The following CNOT2 variants were observed in gnomAD, a reference collection of about 807,000 sequenced individuals.
CNOT2 encodes CC chemokine receptor 4-negative regulator of transcription 2.
CNOT2 carries 7 observed loss-of-function variants against 72.1 expected under a neutral mutation model. The observed-to-expected ratio is 0.10, with a 90% CI of 0.06 to 0.18. The LOEUF is 0.18. Among genes scored for constraint, CNOT2 ranks in the 10% least tolerant of loss-of-function variants. CNOT2 has a pLI of 1.00. For synonymous variants in CNOT2, 196 were observed against 225.6 expected (o/e 0.87, Z 1.17); for missense variants, 345 against 660.3 (o/e 0.52, Z 5.23).
chr12:70,335,672 T>C, intron 8 of CNOT2, 109 bp downstream of exon 8: 1 of 744,350 alleles, frequency 1.3e-6, no homozygotes, highest in Non-Finnish European at 2.2e-6. Context: ...ACATGTATGT[T>C]TGCATTTTCT....
intron 2 of CNOT2, among the ~76,000 whole-genome samples, chr12:70,304,239 T>C (rs1344285193): frequency 1.3e-5 from 2 of 152,214 alleles, no homozygotes; most frequent in African/African-American, 2.4e-5. Context: ...GTTCCGTTGC[T>C]GGTGAGGAGC....
chr12:70,338,436 A>G lies in CNOT2; in HGVS notation c.901-7A>G, dbSNP rs1880998035. 1 of 1,589,838 alleles carries G rather than the reference A, an allele frequency of 6.3e-7. No individual in the cohort carries two copies. The highest frequency in any genetic ancestry group is 1.9e-5 in the Admixed American group (1 of 53,032). On this transcript the variant is annotated splice_region_variant and splice_polypyrimidine_tract_variant and intron_variant, in intron 9 of 15. Transcript: ENST00000229195. ...TTTAATGTCACATTTAATTTTTTTC[A>G]TGCTAGAATTTGAATACATCTGGCA...
intron 2 of CNOT2, among the ~76,000 whole-genome samples, chr12:70,286,994 T>G (rs1871012961): frequency 6.6e-6 from 1 of 152,076 alleles, no homozygotes; most frequent in Admixed American, 6.6e-5. Flanking sequence ...CTTTTAAAAT[T>G]GATTTTTGTA....
intron 3 of CNOT2, among the ~76,000 whole-genome samples, chr12:70,315,369 G>A (rs541882680): frequency 8.7e-4 from 132 of 152,108 alleles, no homozygotes; most frequent in Middle Eastern, 3.4e-3. Context: ...ATATGGTACA[G>A]TTAAAAAGTC....
At chr12:70,330,245 G>T (rs1879722610) in intron 5 of CNOT2, 42 bp from the exon 6 acceptor site, 2 of 922,376 alleles carry the variant, frequency 2.2e-6, no homozygotes, top group African/African-American at 1.7e-5. Flanking sequence ...TTTAATGAGT[G>T]ATTGTAGAGA....
At chr12:70,301,706 C>A (rs552518613) in intron 2 of CNOT2, 14 of 152,248 alleles carry the variant, frequency 9.2e-5, no homozygotes, top group African/African-American at 3.4e-4. Context: ...CTCTGCCAGG[C>A]TTTGGTATCA....
chr12:70,296,757 G>GCC (rs141226711), intron 2 of CNOT2, among the ~76,000 whole-genome samples: 2,647 of 138,274 alleles, frequency 0.019, 90 homozygotes, highest in Admixed American at 0.089. Context: ...CTTTATTTAA[G>GCC]CCCCCCCCCC....
chr12:70,319,495 G>T, intron 4 of CNOT2, 131 bp downstream of exon 4: 1 of 852,346 alleles, frequency 1.2e-6, no homozygotes, highest in South Asian at 1.8e-5. Flanking sequence ...TTAATTTTCA[G>T]AGTTTTATTT....
At chr12:70,262,426 A>G (rs1214729988) in intron 1 of CNOT2, among the ~76,000 whole-genome samples, 3 of 152,010 alleles carry the variant, frequency 2.0e-5, no homozygotes, top group Non-Finnish European at 2.9e-5. Flanking sequence ...GGCGCCCGCC[A>G]CTACACCCGG....
chr12:70,345,052 G>A (rs965843923), intron 14 of CNOT2: 1 of 152,094 alleles, frequency 6.6e-6, no homozygotes, highest in East Asian at 1.9e-4. Context: ...TTTTCCCTGA[G>A]CAGTTCTGTA....
At chr12:70,299,761 A>G (rs1251358560) in intron 2 of CNOT2, among the ~76,000 whole-genome samples, 2 of 152,170 alleles carry the variant, frequency 1.3e-5, no homozygotes, top group African/African-American at 4.8e-5. Flanking sequence ...GCTGGGTCAA[A>G]TGGTATTTCT....
Position 70,300,724 on chromosome 12 carries a change from AACTTTAAAGT to A in CNOT2, c.49-10169_49-10160del, listed in dbSNP as rs981032439. ...GAGGGCCCTTTTTTGGTGCCATATG[AACTTTAAAGT>A]AGTTTTTTCCAATTCTGTGAAGAAA... On this transcript the variant is annotated intron_variant, in intron 2 of 15. Coordinates refer to ENST00000229195, the MANE Select transcript of CNOT2 (RefSeq NM_014515.7). 1.4e-3 allele frequency among the ~76,000 whole-genome samples: 219 copies of A among 152,286 alleles called. 1 individual carries two copies. The highest frequency in any genetic ancestry group is 5.0e-3 in the African/African-American group (209 of 41,528).
chr12:70,352,804 G>A (rs1006572466), intron 15 of CNOT2, among the ~76,000 whole-genome samples: 1 of 151,908 alleles, frequency 6.6e-6, no homozygotes, highest in African/African-American at 2.4e-5. Context: ...CTTGATCTTG[G>A]GTGGGAAGTA....
intron 2 of CNOT2, among the ~76,000 whole-genome samples, chr12:70,303,891 T>G (rs535657357): frequency 6.6e-6 from 1 of 152,314 alleles, no homozygotes; most frequent in Admixed American, 6.5e-5. Flanking sequence ...CCCATATTTC[T>G]TGGAGACTTT....
chr12:70,247,144 C>T (rs1957914806), intron 1 of CNOT2, among the ~76,000 whole-genome samples: 1 of 151,852 alleles, frequency 6.6e-6, no homozygotes, highest in African/African-American at 2.4e-5. Flanking sequence ...CCACTTAACC[C>T]TGCACATTTT....
chr12:70,254,453 C>T (rs1344155546), intron 1 of CNOT2, among the ~76,000 whole-genome samples: 1 of 152,126 alleles, frequency 6.6e-6, no homozygotes, highest in African/African-American at 2.4e-5. Context: ...TCACACTCCT[C>T]AGACTGGTGC....
In CNOT2 at chr12:70,335,410, A is replaced by G. The variant is rs144986592; in HGVS notation, c.650-28A>G. ...CTCTTAAAAAATATTTGTAGAATCA[A>G]TAACCAGTGTCCTTTCTTATTATTT... On this transcript the variant is annotated intron_variant, in intron 7 of 15. Coordinates refer to ENST00000229195, the MANE Select transcript of CNOT2 (RefSeq NM_014515.7). The G allele has an allele frequency of 1.9e-4, 291 of 1,523,018 alleles. 1 individual carries two copies. The African/African-American group carries it at 3.6e-3, about 19-fold the overall frequency. The allele number at this position is 1,523,018 out of a possible 1,614,324, so 94.3% of individuals were successfully genotyped here. A position where few individuals can be genotyped will look rare whatever the true frequency, so the allele number is the denominator to read the frequency against.
Position 70,243,801 on chromosome 12 carries a change from C to T in CNOT2, c.-96+321C>T, listed in dbSNP as rs564126544. 9.2e-5 allele frequency: 14 copies of T among 152,414 alleles called. No homozygotes were observed. In the East Asian group the frequency reaches 1.9e-3, roughly 21 times the overall value. 9.4% of individuals were successfully genotyped at this position (152,414 alleles called of 1,614,324 possible). A position where few individuals can be genotyped will look rare whatever the true frequency, so the allele number is the denominator to read the frequency against. Reference sequence around the variant, plus strand: ...AGCAGCTCCAGATCCTAGGCCCGGTCCCATCCGCGAGTGGTGGGGCTTCCC... The same window carrying T: ...AGCAGCTCCAGATCCTAGGCCCGGTTCCATCCGCGAGTGGTGGGGCTTCCC... On this transcript the variant is annotated intron_variant, in intron 1 of 15. Coordinates refer to ENST00000229195, the MANE Select transcript of CNOT2 (RefSeq NM_014515.7).
chr12:70,328,285 G>GC (rs1879394087), intron 4 of CNOT2, among the ~76,000 whole-genome samples: 1 of 151,914 alleles, frequency 6.6e-6, no homozygotes, highest in African/African-American at 2.4e-5. Context: ...CCCTAGGTTA[G>GC]AAGGTGAAAC....
Sources: allele counts gnomAD v4.1 joint callset (sites outside exome capture counted in the v4.1 genomes callset), GRCh38; gene constraint gnomAD v4.1.1; transcripts MANE v1.5; gene names NCBI Gene and HGNC (gene_info 2026-07-23, HGNC 2026-07-21).